Variants in MGAT5 observed in about 807,000 individuals in gnomAD.
MGAT5 encodes alpha-1,6-mannosylglycoprotein 6-beta-N-acetylglucosaminyltransferase A.
MGAT5 carries 30 observed loss-of-function variants against 94.3 expected under a neutral mutation model. The observed-to-expected ratio is 0.32, with a 90% CI of 0.24 to 0.43. MGAT5 has a LOEUF of 0.43. MGAT5 is among the 20% of genes least tolerant of loss of function. MGAT5 has a pLI of 1.00. For missense variants in MGAT5, 691 were observed against 905.5 expected (o/e 0.76, Z 3.04); for synonymous variants, 310 against 322.9 (o/e 0.96, Z 0.43).
chr2:134,413,553 C>T (rs1054746420), intron 12 of MGAT5, among the ~76,000 whole-genome samples: 1 of 152,154 alleles, frequency 6.6e-6, no homozygotes, highest in African/African-American at 2.4e-5. Context: ...TTCAGAGATC[C>T]TGTTGAAAAT....
At chr2:134,340,076 T>C (rs780187809) in intron 6 of MGAT5, among the ~76,000 whole-genome samples, 10 of 152,300 alleles carry the variant, frequency 6.6e-5, no homozygotes, top group East Asian at 3.9e-4. Flanking sequence ...GGTGATGTTA[T>C]GTAAAAACAC....
At chr2:134,309,229 G>T (rs1686508867) in intron 2 of MGAT5, among the ~76,000 whole-genome samples, 2 of 152,192 alleles carry the variant, frequency 1.3e-5, no homozygotes, top group Admixed American at 6.5e-5. Context: ...TGGATGATGG[G>T]TGTTTGTATT....
intron 1 of MGAT5, among the ~76,000 whole-genome samples, chr2:134,196,915 A>C (rs1679521995): frequency 6.6e-6 from 1 of 152,244 alleles, no homozygotes; most frequent in Admixed American, 6.5e-5. Flanking sequence ...CTAGTTTAAC[A>C]GGAATATGTG....
At chr2:134,381,382 T>TAGATAAGATAAGA (rs1553457734) in intron 10 of MGAT5, among the ~76,000 whole-genome samples, 105 of 108,496 alleles carry the variant, frequency 9.7e-4, no homozygotes, top group East Asian at 1.8e-3. Flanking sequence ...ATAAGATAGA[T>TAGATAAGATAAGA]TAGATAGATA....
intron 12 of MGAT5, among the ~76,000 whole-genome samples, chr2:134,421,621 C>T (rs1173907266): frequency 2.6e-5 from 4 of 152,040 alleles, no homozygotes; most frequent in Non-Finnish European, 1.5e-5. Context: ...TCTAAGCCCA[C>T]GTGAAAGCCC....
At chr2:134,442,146 A>G in intron 15 of MGAT5, among the ~76,000 whole-genome samples, 1 of 152,074 alleles carries the variant, frequency 6.6e-6, no homozygotes, top group East Asian at 1.9e-4. Context: ...TTAGAATTTA[A>G]ATGGGAGTGT....
intron 2 of MGAT5, among the ~76,000 whole-genome samples, chr2:134,287,679 A>G (rs10496726): frequency 0.11 from 17,278 of 152,252 alleles, 1,098 homozygotes; most frequent in South Asian, 0.25. Context: ...CTAGAGACCA[A>G]GACCTTTTAA....
At chr2:134,197,719 A>C (rs1480221937) in intron 1 of MGAT5, among the ~76,000 whole-genome samples, 2 of 152,256 alleles carry the variant, frequency 1.3e-5, no homozygotes, top group Admixed American at 1.3e-4. Context: ...AAGACAGTTT[A>C]GTTTCCTTTT....
intron 4 of MGAT5, chr2:134,320,180 C>T (rs1687232331): frequency 6.6e-6 from 1 of 152,194 alleles, no homozygotes; most frequent in Non-Finnish European, 1.5e-5. Context: ...TCCTCCTCCT[C>T]CTTTTAAAGA....
At chr2:134,441,938 G>T in intron 15 of MGAT5, 23 bp downstream of exon 15, 1 of 1,608,310 alleles carries the variant, frequency 6.2e-7, no homozygotes, top group South Asian at 1.1e-5. Flanking sequence ...GGGTGGGGGT[G>T]GGGACTCAGC....
At chr2:134,204,939 G>T (rs1190352921) in intron 1 of MGAT5, among the ~76,000 whole-genome samples, 1 of 152,154 alleles carries the variant, frequency 6.6e-6, no homozygotes, top group Non-Finnish European at 1.5e-5. Flanking sequence ...GTAGGCTAGG[G>T]TGATAACTGA....
At chr2:134,322,965 C>T (rs1687420674) in intron 4 of MGAT5, among the ~76,000 whole-genome samples, 1 of 152,238 alleles carries the variant, frequency 6.6e-6, no homozygotes, top group East Asian at 1.9e-4. Context: ...GCCAAAAGGA[C>T]ATGAAGTAAA....
intron 1 of MGAT5, among the ~76,000 whole-genome samples, chr2:134,214,647 T>C (rs12991179): frequency 1.4e-4 from 21 of 151,760 alleles, no homozygotes; most frequent in East Asian, 1.2e-3. Context: ...TAACAAAAGA[T>C]ACTCTTCTCA....
intron 9 of MGAT5, among the ~76,000 whole-genome samples, chr2:134,360,354 A>AT (rs1680005625): frequency 6.6e-6 from 1 of 152,056 alleles, no homozygotes; most frequent in East Asian, 1.9e-4. Flanking sequence ...ACATATATGT[A>AT]TTTTTTCATT....
intron 1 of MGAT5, among the ~76,000 whole-genome samples, chr2:134,191,932 A>AG (rs939900540): frequency 7.7e-6 from 1 of 129,968 alleles, no homozygotes; most frequent in African/African-American, 3.0e-5. Context: ...TCCTGATGGA[A>AG]GGGTGGATTC....
At chr2:134,177,701 G>T (rs1440701272) in intron 1 of MGAT5, among the ~76,000 whole-genome samples, 2 of 152,240 alleles carry the variant, frequency 1.3e-5, no homozygotes, top group African/African-American at 4.8e-5. Context: ...ACTGGAGTAA[G>T]AAACAATGGA....
At chr2:134,402,768 T>C (rs1278623764) in intron 10 of MGAT5, among the ~76,000 whole-genome samples, 1 of 152,244 alleles carries the variant, frequency 6.6e-6, no homozygotes. Context: ...TATTTCTTCT[T>C]AAAAAATTAT....
At chr2:134,418,818 A>T (rs184420081) in intron 12 of MGAT5, among the ~76,000 whole-genome samples, 47 of 152,350 alleles carry the variant, frequency 3.1e-4, no homozygotes, top group African/African-American at 1.1e-3. Flanking sequence ...AGTTTGCTTT[A>T]TGCAAGAGGG....
At chr2:134,218,473 G>A (rs1680603760) in intron 1 of MGAT5, among the ~76,000 whole-genome samples, 2 of 152,188 alleles carry the variant, frequency 1.3e-5, no homozygotes, top group South Asian at 4.1e-4. Flanking sequence ...AGGGGGCAGG[G>A]TGAGGGGTCA....
Sources: gnomAD v4.1 joint callset for allele counts (sites outside exome capture counted in the v4.1 genomes callset) on GRCh38, gnomAD v4.1.1 for gene constraint, MANE v1.5 for transcripts, NCBI Gene and HGNC (gene_info 2026-07-23, HGNC 2026-07-21) for gene names.